The following CXXC5 variants were observed in gnomAD, a reference collection of about 807,000 sequenced individuals.
CXXC5 encodes the protein CXXC finger protein 5, also known as CXXC-type zinc finger protein 5.
Under a neutral mutation model 17.6 loss-of-function variants are expected in CXXC5, and 2 were observed. That is an observed-to-expected ratio of 0.11 (90% CI 0.05 to 0.36). The LOEUF (loss-of-function observed/expected upper bound fraction) is 0.36, where lower values mean the gene tolerates loss of function less well. Ranked by LOEUF, CXXC5 falls within the 10% of genes least tolerant of loss-of-function variation. The probability of loss-of-function intolerance (pLI) is 1.00; values close to 1 mark genes in which losing one functional copy is unlikely to be tolerated. For synonymous variants in CXXC5, 171 were observed against 193.0 expected, an observed-to-expected ratio of 0.89 and a Z score of 0.94; for missense variants, 343 against 458.3, an observed-to-expected ratio of 0.75 and a Z score of 2.30.
At chr5:139,667,042 T>G (rs1229571903) in intron 1 of CXXC5, among the ~76,000 whole-genome samples, 1 of 152,186 alleles carries the variant, frequency 6.6e-6, no homozygotes. Flanking sequence ...CTCAGTTTAG[T>G]ATGCCTCACC....
At chr5:139,674,374 G>A (rs907247992) in intron 1 of CXXC5, among the ~76,000 whole-genome samples, 1 of 152,224 alleles carries the variant, frequency 6.6e-6, no homozygotes, top group Non-Finnish European at 1.5e-5. Flanking sequence ...AGGCCAAGGA[G>A]ACCGGCCCAC....
intron 1 of CXXC5, among the ~76,000 whole-genome samples, chr5:139,653,076 T>C (rs1393278281): frequency 6.6e-6 from 1 of 152,116 alleles, no homozygotes; most frequent in African/African-American, 2.4e-5. Context: ...GCATGGAGTG[T>C]GTGTGTGTAG....
chr5:139,661,202 G>C lies in CXXC5; in HGVS notation c.-161+12357G>C, dbSNP rs1377896753. Among the ~76,000 whole-genome samples the C allele has an allele frequency of 6.6e-6, 1 of 152,192 alleles. No homozygotes were observed. Among genetic ancestry groups the C allele is most frequent in the Non-Finnish European group, 1.5e-5 (1 of 68,030 alleles). ...CCGCCCCCCCACCTCTTGCGCTGTC[G>C]GCCATCAGCCCAGCAGAGCAGGGTG... On this transcript the variant is annotated intron_variant, in intron 1 of 2. Transcript: ENST00000302517. This position sits in a 1 kb window ranked among gnomAD's most constrained non-coding sequence, Gnocchi z 4.7.
At position 139,663,278 on chromosome 5, in the gene CXXC5, G is replaced by A. The variant is rs574962792; in HGVS notation, c.-161+14433G>A. ...GTCTCCCACCCCCTATGCTCACACA[G>A]CAAGGCTATATGTTAGACTTGAGCA... is the stretch of plus-strand genomic sequence containing the variant. On this transcript the variant is annotated intron_variant, in intron 1 of 2. Transcript: ENST00000302517. The surrounding 1 kb of genome is among the most constrained non-coding windows in gnomAD (Gnocchi z 4.2). Among the ~76,000 whole-genome samples, 29 of 152,312 alleles carry A rather than the reference G, an allele frequency of 1.9e-4. No homozygotes were observed. The highest frequency in any genetic ancestry group is 1.9e-3 in the Admixed American group (29 of 15,302).
chr5:139,652,730 T>C (rs1171440852), intron 1 of CXXC5, among the ~76,000 whole-genome samples: 2 of 151,846 alleles, frequency 1.3e-5, no homozygotes, highest in Non-Finnish European at 2.9e-5. Flanking sequence ...CATGTGTGTT[T>C]GTGAATCTGA....
At position 139,681,004 on chromosome 5, in the gene CXXC5, A is replaced by C. The variant is rs1432338894; in HGVS notation, c.481A>C (p.Thr161Pro). 6.2e-7 allele frequency: 1 copy of C among 1,605,248 alleles called. No individual in the cohort carries two copies. The highest frequency in any genetic ancestry group is 1.7e-5 in the Admixed American group (1 of 60,030). ...GGAGCTGGCAGCCGAGGGACAGCTGACGCTGCAGCAGTTTGCGCAGTCCAC... is the reference window on the plus strand; with the variant it reads ...GGAGCTGGCAGCCGAGGGACAGCTGCCGCTGCAGCAGTTTGCGCAGTCCAC... ...ATELAAEGQL[T>P]LQQFAQSTEM... The change falls in exon 2 of 3, where the codon ACG (threonine) becomes CCG (proline). Residue 161 changes from threonine (T) to proline (P), a missense_variant. Thr to Pro is a conservative substitution (Grantham distance 38). This residue lies in a region of CXXC5 where 297 missense variants were observed against 363.4 expected (regional missense o/e 0.82). Coordinates refer to ENST00000302517, the MANE Select transcript of CXXC5 (RefSeq NM_016463.9).
chr5:139,666,947 G>A (rs960552395), intron 1 of CXXC5, among the ~76,000 whole-genome samples: 9 of 152,136 alleles, frequency 5.9e-5, no homozygotes, highest in South Asian at 2.1e-4. Flanking sequence ...CTGCTCCAAC[G>A]GAGTCAGCCC....
At chr5:139,649,993 C>G (rs1220340295) in intron 1 of CXXC5, among the ~76,000 whole-genome samples, 1 of 152,218 alleles carries the variant, frequency 6.6e-6, no homozygotes, top group African/African-American at 2.4e-5. Context: ...CGACGGAAAG[C>G]GAGTGACCCC....
In CXXC5 at chr5:139,661,862, T is replaced by C. The variant is rs950078305; in HGVS notation, c.-161+13017T>C. Among the ~76,000 whole-genome samples, 1 of 152,260 alleles carries C rather than the reference T, an allele frequency of 6.6e-6. No individual in the cohort carries two copies. Among genetic ancestry groups the C allele is most frequent in the Non-Finnish European group, 1.5e-5 (1 of 68,046 alleles). ...CCATAGCCAACCTGGCTCTGCCCTC[T>C]CTGGGGAGGAGGTCCAAGTATCAGG... On this transcript the variant is annotated intron_variant, in intron 1 of 2. Transcript: ENST00000302517. This position sits in a 1 kb window ranked among gnomAD's most constrained non-coding sequence, Gnocchi z 4.7.
chr5:139,667,848 T>C (rs1756196010), intron 1 of CXXC5, among the ~76,000 whole-genome samples: 1 of 152,186 alleles, frequency 6.6e-6, no homozygotes, highest in African/African-American at 2.4e-5. Context: ...TCCTTATTAT[T>C]ACTACTGACA....
intron 2 of CXXC5, among the ~76,000 whole-genome samples, chr5:139,682,215 C>T (rs1757274737): frequency 6.6e-6 from 1 of 152,206 alleles, no homozygotes; most frequent in Admixed American, 6.5e-5. Context: ...GCCTGCAGTC[C>T]CTGCCCTTGT....
At chr5:139,664,389 G>A (rs1357620627) in intron 1 of CXXC5, among the ~76,000 whole-genome samples, 5 of 152,146 alleles carry the variant, frequency 3.3e-5, no homozygotes, top group Non-Finnish European at 7.4e-5. Flanking sequence ...GCAGGGAGGA[G>A]TTGAGCAAGT....
chr5:139,681,493 G>T (rs1391936506), intron 2 of CXXC5, 46 bp downstream of exon 2: 2 of 1,522,952 alleles, frequency 1.3e-6, no homozygotes, highest in South Asian at 1.3e-5. Flanking sequence ...GTGTCTGTCT[G>T]GCAGTCCAAA....
chr5:139,654,910 G>A (rs1755404823), intron 1 of CXXC5, among the ~76,000 whole-genome samples: 1 of 152,154 alleles, frequency 6.6e-6, no homozygotes, highest in Admixed American at 6.5e-5. Context: ...TGGGAGGGCT[G>A]GGGGGTGACC....
chr5:139,681,008 T>C lies in CXXC5; in HGVS notation c.485T>C (p.Leu162Pro). 6.2e-7 allele frequency: 1 copy of C among 1,605,918 alleles called. No homozygotes were observed. The highest frequency in any genetic ancestry group is 1.7e-4 in the Middle Eastern group (1 of 6,060). Residue 162 changes from leucine to proline, a missense_variant, in exon 2 of 3, where the codon CTG becomes CCG. By Grantham distance (98) the Leu-to-Pro change is moderately conservative. This residue lies in a region of CXXC5 where 297 missense variants were observed against 363.4 expected (regional missense o/e 0.82). Transcript: ENST00000302517. ...CTGGCAGCCGAGGGACAGCTGACGC[T>C]GCAGCAGTTTGCGCAGTCCACAGAG... ...TELAAEGQLT[L>P]QQFAQSTEML...
rs188350591 is a variant in CXXC5, at chr5:139,681,473, G to A, written c.924+26G>A. On this transcript the variant is annotated intron_variant, in intron 2 of 2. Coordinates refer to ENST00000302517, the MANE Select transcript of CXXC5 (RefSeq NM_016463.9). The stretch of plus-strand genomic sequence containing the variant: ...GTAACGGCGCCTTAGAGGGAGGTGT[G>A]TGGGCTCTTGTGTCTGTCTGGCAGT... 4 of 1,532,168 alleles carry A rather than the reference G, an allele frequency of 2.6e-6. No individual in the cohort carries two copies. The East Asian group carries it at 6.8e-5, about 26-fold the overall frequency. 94.9% of individuals were successfully genotyped at this position (1,532,168 alleles called of 1,614,324 possible). A position where few individuals can be genotyped will look rare whatever the true frequency, so the allele number is the denominator to read the frequency against.
At chr5:139,678,120 G>A (rs530752043) in intron 1 of CXXC5, among the ~76,000 whole-genome samples, 1 of 152,248 alleles carries the variant, frequency 6.6e-6, no homozygotes, top group African/African-American at 2.4e-5. Flanking sequence ...TATCTGGGCT[G>A]CCGGGGTTGT....
At position 139,663,674 on chromosome 5, in the gene CXXC5, C is replaced by G. The variant is rs1174952759; in HGVS notation, c.-161+14829C>G. 6.6e-6 allele frequency among the ~76,000 whole-genome samples: 1 copy of G among 152,176 alleles called. No individual in the cohort carries two copies. The highest frequency in any genetic ancestry group is 2.4e-5 in the African/African-American group (1 of 41,438). The stretch of plus-strand genomic sequence containing the variant: ...AAGCAAATGGTGAGAGAACCAGGGC[C>G]ATGACCTGGGTTACCCAACACGCCT... On this transcript the variant is annotated intron_variant, in intron 1 of 2. Coordinates refer to ENST00000302517, the MANE Select transcript of CXXC5 (RefSeq NM_016463.9). The surrounding 1 kb of genome is among the most constrained non-coding windows in gnomAD (Gnocchi z 4.2).
chr5:139,655,736 T>TCCAC (rs1420552191), intron 1 of CXXC5, among the ~76,000 whole-genome samples: 1 of 144,214 alleles, frequency 6.9e-6, no homozygotes, highest in Non-Finnish European at 1.5e-5. Context: ...CCAACCACTG[T>TCCAC]CCACCCCTTC....
Sources: gnomAD v4.1 joint callset for allele counts (sites outside exome capture counted in the v4.1 genomes callset) on GRCh38, gnomAD v4.1.1 for gene constraint, gnomAD v4.1.1 regional missense constraint, Gnocchi (gnomAD v3.1) non-coding constraint, MANE v1.5 for transcripts, NCBI Gene and HGNC (gene_info 2026-07-23, HGNC 2026-07-21) for gene names.